Variants in STXBP5L observed in about 807,000 individuals in gnomAD.
STXBP5L encodes the protein syntaxin binding protein 5L, also known as syntaxin-binding protein 5-like.
STXBP5L carries 65 observed loss-of-function variants against 144.5 expected under a neutral mutation model. The ratio of observed to expected loss-of-function variants is 0.45; its 90% confidence interval spans 0.37 to 0.55. The LOEUF is 0.55. Among genes scored for constraint, STXBP5L ranks in the 20% least tolerant of loss-of-function variants. The pLI is 0.00. For missense variants in STXBP5L, 1,298 were observed against 1,405.5 expected (o/e 0.92, Z 1.22); for synonymous variants, 505 against 469.6 (o/e 1.08, Z -0.97).
intron 5 of STXBP5L, among the ~76,000 whole-genome samples, chr3:121,075,387 C>T (rs111249675): frequency 0.019 from 2,931 of 152,268 alleles, 88 homozygotes; most frequent in African/African-American, 0.066. Context: ...GGTTTCTCTT[C>T]CAACTAAGGC....
intron 16 of STXBP5L, among the ~76,000 whole-genome samples, chr3:121,255,906 A>G (rs921194417): frequency 3.9e-5 from 6 of 152,094 alleles, no homozygotes; most frequent in Non-Finnish European, 7.4e-5. Flanking sequence ...ATTATTTACT[A>G]TAGGCCTGGG....
intron 19 of STXBP5L, among the ~76,000 whole-genome samples, chr3:121,288,429 A>C (rs1233801603): frequency 6.6e-6 from 1 of 152,208 alleles, no homozygotes; most frequent in Non-Finnish European, 1.5e-5. Flanking sequence ...TGATTTCCAC[A>C]ATGGCTGAAC....
At chr3:121,036,428 C>T (rs1946758339) in intron 3 of STXBP5L, among the ~76,000 whole-genome samples, 1 of 152,046 alleles carries the variant, frequency 6.6e-6, no homozygotes, top group Non-Finnish European at 1.5e-5. Flanking sequence ...TTGATGTTTT[C>T]TGCAAATAGA....
chr3:121,249,630 A>C (rs1480866763), intron 14 of STXBP5L, among the ~76,000 whole-genome samples: 1 of 152,146 alleles, frequency 6.6e-6, no homozygotes, highest in Non-Finnish European at 1.5e-5. Context: ...TATAATCTGC[A>C]AATACAAACA....
chr3:121,338,214 A>G (rs1164627014), intron 20 of STXBP5L, among the ~76,000 whole-genome samples: 1 of 152,158 alleles, frequency 6.6e-6, no homozygotes, highest in East Asian at 1.9e-4. Context: ...TCAGAGCAGA[A>G]CTAAATGAAA....
At chr3:121,003,003 C>T (rs1214925993) in intron 3 of STXBP5L, among the ~76,000 whole-genome samples, 3 of 152,102 alleles carry the variant, frequency 2.0e-5, no homozygotes, top group Non-Finnish European at 4.4e-5. Flanking sequence ...GTGAATAGTG[C>T]CTCAATAAAC....
At chr3:120,942,365 CAT>C (rs1490531532) in intron 2 of STXBP5L, among the ~76,000 whole-genome samples, 1 of 151,426 alleles carries the variant, frequency 6.6e-6, no homozygotes, top group Non-Finnish European at 1.5e-5. Flanking sequence ...ATTCAATAAA[CAT>C]TGAGATATAT....
chr3:121,228,033 G>T (rs2108302209), intron 11 of STXBP5L, among the ~76,000 whole-genome samples: 1 of 152,234 alleles, frequency 6.6e-6, no homozygotes, highest in South Asian at 2.1e-4. Context: ...TTGGGTCCTG[G>T]AGAGACCTGC....
intron 5 of STXBP5L, among the ~76,000 whole-genome samples, chr3:121,101,169 G>A (rs902579932): frequency 6.6e-6 from 1 of 151,946 alleles, no homozygotes; most frequent in African/African-American, 2.4e-5. Flanking sequence ...GACATACAAA[G>A]AAAGCTGGTT....
At chr3:121,111,187 C>G (rs1270257618) in intron 5 of STXBP5L, among the ~76,000 whole-genome samples, 2 of 152,108 alleles carry the variant, frequency 1.3e-5, no homozygotes, top group Non-Finnish European at 2.9e-5. Flanking sequence ...AGAACATGCT[C>G]CTTTAGCTCA....
chr3:121,205,988 A>G lies in STXBP5L; in HGVS notation c.943A>G (p.Thr315Ala). ...ACCAATTCTTAAAGTAGAATACAAG[A>G]CCTGCAAAAACAGGTATGCATTTTT... is the stretch of plus-strand genomic sequence containing the variant. ...CKPILKVEYK[T>A]CKNSEPFIIF... Residue 315 changes from threonine (T) to alanine (A), a missense_variant, in exon 10 of 27, where the codon ACC (threonine) becomes GCC (alanine). Transcript: ENST00000471454. The G allele has an allele frequency of 6.6e-7, 1 of 1,507,642 alleles. No individual in the cohort carries two copies. Among genetic ancestry groups the G allele is most frequent in the Non-Finnish European group, 8.8e-7 (1 of 1,132,998 alleles). The allele number at this position is 1,507,642 out of a possible 1,614,324, so 93.4% of individuals were successfully genotyped here.
chr3:121,196,190 T>C (rs2047912477), intron 9 of STXBP5L, among the ~76,000 whole-genome samples: 1 of 151,956 alleles, frequency 6.6e-6, no homozygotes. Context: ...AAGACAGTCT[T>C]TCTCTCTCAC....
At position 121,407,402 on chromosome 3, in the gene STXBP5L, C is replaced by T. The variant is rs940518292; in HGVS notation, c.2747C>T (p.Ala916Val). ...AAAGTGGTAATGAACTCATCTTCTG[C>T]ATCCCAAGAAATAGGAGATCATCAG... ...RRKVVMNSSSASQEIGDHQYT... is the reference protein window; with the variant it reads ...RRKVVMNSSSVSQEIGDHQYT... Residue 916 changes from alanine (A) to valine (V), a missense_variant, in exon 23 of 27, where the codon GCA becomes GTA. By Grantham distance (64) the Ala-to-Val change is moderately conservative. Coordinates refer to ENST00000471454, the MANE Select transcript of STXBP5L (RefSeq NM_001308330.2). The T allele has an allele frequency of 6.2e-7, 1 of 1,613,004 alleles. No individual in the cohort carries two copies. The highest frequency in any genetic ancestry group is 1.7e-5 in the Admixed American group (1 of 59,876).
chr3:121,231,623 G>A (rs1406695283), intron 11 of STXBP5L, among the ~76,000 whole-genome samples: 1 of 152,136 alleles, frequency 6.6e-6, no homozygotes, highest in African/African-American at 2.4e-5. Flanking sequence ...GATGGCTAGA[G>A]CAAGGCCCTG....
intron 7 of STXBP5L, among the ~76,000 whole-genome samples, chr3:121,150,564 TG>T (rs1443716604): frequency 6.6e-6 from 1 of 152,170 alleles, no homozygotes; most frequent in Non-Finnish European, 1.5e-5. Flanking sequence ...TGTGATTTAC[TG>T]GGGCTATTGC....
At chr3:120,978,984 G>A (rs185479219) in intron 3 of STXBP5L, among the ~76,000 whole-genome samples, 1 of 152,316 alleles carries the variant, frequency 6.6e-6, no homozygotes, top group East Asian at 1.9e-4. Context: ...TATGCTGCTT[G>A]GGGGTCAGGG....
intron 20 of STXBP5L, among the ~76,000 whole-genome samples, chr3:121,370,016 G>T (rs1276543925): frequency 6.6e-6 from 1 of 152,132 alleles, no homozygotes; most frequent in East Asian, 1.9e-4. Context: ...AATAATGGGG[G>T]TGGACTTCCC....
chr3:121,349,800 C>A (rs1041608598), intron 20 of STXBP5L, among the ~76,000 whole-genome samples: 2 of 151,162 alleles, frequency 1.3e-5, no homozygotes, highest in African/African-American at 2.4e-5. Context: ...TTTTTGTTTT[C>A]CATTTGCTTG....
chr3:121,013,740 T>C (rs76362187), intron 3 of STXBP5L, among the ~76,000 whole-genome samples: 1 of 151,716 alleles, frequency 6.6e-6, no homozygotes, highest in East Asian at 1.9e-4. Context: ...GAAGGGTATT[T>C]CCTAGATTTT....
Sources: gnomAD v4.1 joint callset for allele counts (sites outside exome capture counted in the v4.1 genomes callset) on GRCh38, gnomAD v4.1.1 for gene constraint, MANE v1.5 for transcripts, NCBI Gene and HGNC (gene_info 2026-07-23, HGNC 2026-07-21) for gene names.